FUBP3: variants seen among roughly 807,000 people sequenced by gnomAD.
FUBP3 encodes far upstream element binding protein 3.
In FUBP3, 28 loss-of-function variants were observed where a neutral mutation model predicts 85.6. The observed-to-expected ratio is 0.33, with a 90% CI of 0.24 to 0.45. The LOEUF is 0.45. Among genes scored for constraint, FUBP3 ranks in the 20% least tolerant of loss-of-function variants. The pLI, the probability that FUBP3 is intolerant of heterozygous loss-of-function variation, is 1.00. For synonymous variants in FUBP3, 271 were observed against 271.4 expected (o/e 1.00, Z 0.01); for missense variants, 583 against 755.1 (o/e 0.77, Z 2.67).
chr9:130,612,901 C>A lies in FUBP3; in HGVS notation c.275-55C>A. 4 of 1,138,644 alleles carry A rather than the reference C, an allele frequency of 3.5e-6. No individual in the cohort carries two copies. Among genetic ancestry groups the A allele is most frequent in the Non-Finnish European group, 5.3e-6 (4 of 750,016 alleles). 70.5% of individuals were successfully genotyped at this position (1,138,644 alleles called of 1,614,324 possible). A position where few individuals can be genotyped will look rare whatever the true frequency, so the allele number is the denominator to read the frequency against. On this transcript the variant is annotated intron_variant, in intron 4 of 18. Transcript: ENST00000319725. This position sits in a 1 kb window ranked among gnomAD's most constrained non-coding sequence, Gnocchi z 4.1. ...TGTGGAATTAATTCAGTCATTCCTG[C>A]GTGGTGAAATATGGAATAGGGGCGT...
chr9:130,636,412 AT>A (rs553479350), intron 18 of FUBP3, among the ~76,000 whole-genome samples: 61 of 152,370 alleles, frequency 4.0e-4, no homozygotes, highest in Admixed American at 3.3e-3. Flanking sequence ...CTCAGGGCTG[AT>A]TAGTAGTCTC....
At chr9:130,604,501 T>G (rs927383653) in intron 2 of FUBP3, among the ~76,000 whole-genome samples, 2 of 152,242 alleles carry the variant, frequency 1.3e-5, no homozygotes, top group Admixed American at 1.3e-4. Flanking sequence ...GGCAAGTTCC[T>G]TAACGTCTCT....
chr9:130,616,593 T>G lies in FUBP3; in HGVS notation c.567+76T>G. The G allele has an allele frequency of 1.4e-6, 2 of 1,395,438 alleles. No homozygotes were observed. Among genetic ancestry groups the G allele is most frequent in the Non-Finnish European group, 2.0e-6 (2 of 991,596 alleles). The allele number at this position is 1,395,438 out of a possible 1,614,324, so 86.4% of individuals were successfully genotyped here. On this transcript the variant is annotated intron_variant, in intron 7 of 18. Transcript: ENST00000319725. This position sits in a 1 kb window ranked among gnomAD's most constrained non-coding sequence, Gnocchi z 4.7. ...AGCTTCCTGGCCCAGGAGATCTGCT[T>G]ACGGCTGGCATTCCCTGGCTGGGCT...
intron 16 of FUBP3, 120 bp from the exon 17 acceptor site, chr9:130,634,547 G>A (rs965576912): frequency 5.6e-5 from 40 of 711,210 alleles, no homozygotes; most frequent in Admixed American, 1.5e-4. Context: ...GCAGGGCTGC[G>A]GAGCCGTGTG....
At position 130,616,596 on chromosome 9, in the gene FUBP3, G is replaced by C; in HGVS notation, c.567+79G>C. On this transcript the variant is annotated intron_variant, in intron 7 of 18. Coordinates refer to ENST00000319725, the MANE Select transcript of FUBP3 (RefSeq NM_003934.2). The surrounding 1 kb of genome is among the most constrained non-coding windows in gnomAD (Gnocchi z 4.7). ...TTCCTGGCCCAGGAGATCTGCTTAC[G>C]GCTGGCATTCCCTGGCTGGGCTGGC... 1 of 1,370,376 alleles carries C rather than the reference G, an allele frequency of 7.3e-7. No individual in the cohort carries two copies. Among genetic ancestry groups the C allele is most frequent in the Non-Finnish European group, 1.0e-6 (1 of 970,532 alleles). 84.9% of individuals were successfully genotyped at this position (1,370,376 alleles called of 1,614,324 possible). A position where few individuals can be genotyped will look rare whatever the true frequency, so the allele number is the denominator to read the frequency against.
intron 7 of FUBP3, among the ~76,000 whole-genome samples, chr9:130,617,147 T>C (rs1564211680): frequency 6.6e-6 from 1 of 152,198 alleles, no homozygotes; most frequent in Non-Finnish European, 1.5e-5. Flanking sequence ...CAAATGCATA[T>C]TTCTGTAGCA....
chr9:130,589,667 A>ATG lies in FUBP3; in HGVS notation c.85-5808_85-5807dup, dbSNP rs201160322. Among the ~76,000 whole-genome samples, 218 of 59,990 alleles carry ATG rather than the reference A, an allele frequency of 3.6e-3. 4 individuals are homozygous for ATG. Among genetic ancestry groups the ATG allele is most frequent in the Middle Eastern group, 0.016 (2 of 124 alleles). The allele number at this position is 59,990 out of a possible 152,430, so 39.4% of individuals were successfully genotyped here. On this transcript the variant is annotated intron_variant, in intron 1 of 18. Transcript: ENST00000319725. Reference sequence around the variant, plus strand: ...CCAGATTTATTTTAAATATGTATGTATGTGTGTGTATATATATATATATAT... The same window carrying ATG: ...CCAGATTTATTTTAAATATGTATGTATGTGTGTGTGTATATATATATATATAT...
In FUBP3 at chr9:130,614,533, G is replaced by A. The variant is rs141578338; in HGVS notation, c.404+188G>A. 7.9e-4 allele frequency among the ~76,000 whole-genome samples: 121 copies of A among 152,216 alleles called. 1 individual carries two copies. Among genetic ancestry groups the A allele is most frequent in the African/African-American group, 2.9e-3 (120 of 41,538 alleles). On this transcript the variant is annotated intron_variant, in intron 6 of 18. Coordinates refer to ENST00000319725, the MANE Select transcript of FUBP3 (RefSeq NM_003934.2). ...GGGGTTTTTGTTACCTTAAATACACGAGATATCACATTTGTTCTAAACCCC... is the reference window on the plus strand; with the variant it reads ...GGGGTTTTTGTTACCTTAAATACACAAGATATCACATTTGTTCTAAACCCC...
chr9:130,583,274 C>G (rs977218655), intron 1 of FUBP3, among the ~76,000 whole-genome samples: 32 of 152,166 alleles, frequency 2.1e-4, no homozygotes, highest in African/African-American at 7.5e-4. Context: ...CAGTTTAAGC[C>G]TGAGCAGTAG....
At chr9:130,611,459 G>A (rs1001148681) in intron 3 of FUBP3, among the ~76,000 whole-genome samples, 1 of 152,088 alleles carries the variant, frequency 6.6e-6, no homozygotes, top group African/African-American at 2.4e-5. Context: ...TAAGCTTGAG[G>A]GTGTAAACTC....
At chr9:130,622,527 A>AGGCTGAG (rs1829801185) in intron 9 of FUBP3, among the ~76,000 whole-genome samples, 181 bp from the exon 10 acceptor site, 1 of 151,012 alleles carries the variant, frequency 6.6e-6, no homozygotes, top group Non-Finnish European at 1.5e-5. Flanking sequence ...AGCTACTTAG[A>AGGCTGAG]GGCTGAGGTG....
At chr9:130,589,675 G>GTATA (rs1170568300) in intron 1 of FUBP3, among the ~76,000 whole-genome samples, 1,893 of 34,004 alleles carry the variant, frequency 0.056, 62 homozygotes, top group Non-Finnish European at 0.074. Context: ...GTATGTGTGT[G>GTATA]TATATATATA....
chr9:130,621,069 T>G (rs1018465520), intron 9 of FUBP3, among the ~76,000 whole-genome samples: 3 of 152,196 alleles, frequency 2.0e-5, no homozygotes, highest in African/African-American at 7.2e-5. Flanking sequence ...TGGTGATGGT[T>G]ACACAACATT....
In FUBP3 at chr9:130,635,821, G is replaced by A. The variant is rs1830394327; in HGVS notation, c.1583-178G>A. On this transcript the variant is annotated intron_variant, in intron 17 of 18. Coordinates refer to ENST00000319725, the MANE Select transcript of FUBP3 (RefSeq NM_003934.2). This position sits in a 1 kb window ranked among gnomAD's most constrained non-coding sequence, Gnocchi z 4.3. ...GCATAGCAGGGGCCGGGCAACAAGA[G>A]GCTAACAGCACCTTTTGTAGCAAGC... 1.6e-6 allele frequency: 1 copy of A among 626,606 alleles called. No individual in the cohort carries two copies. The allele number at this position is 626,606 out of a possible 1,614,324, so 38.8% of individuals were successfully genotyped here.
chr9:130,588,264 T>A (rs973830997), intron 1 of FUBP3, among the ~76,000 whole-genome samples: 1 of 152,208 alleles, frequency 6.6e-6, no homozygotes, highest in Non-Finnish European at 1.5e-5. Context: ...GTTATTTAAC[T>A]TCTTTCAGTC....
intron 1 of FUBP3, among the ~76,000 whole-genome samples, chr9:130,592,132 T>C (rs1002164004): frequency 6.6e-6 from 1 of 152,184 alleles, no homozygotes; most frequent in Non-Finnish European, 1.5e-5. Flanking sequence ...CTCAAGAGGC[T>C]GAGGCAGGAG....
At chr9:130,609,869 C>T in intron 2 of FUBP3, 85 bp from the exon 3 acceptor site, 1 of 1,059,394 alleles carries the variant, frequency 9.4e-7, no homozygotes, top group Non-Finnish European at 1.4e-6. Context: ...TTCCACCCCA[C>T]CCGAAATGGT....
At position 130,612,182 on chromosome 9, in the gene FUBP3, C is replaced by T. The variant is rs1304777679; in HGVS notation, c.225-274C>T. Reference sequence around the variant, plus strand: ...TGAGAGGTGCTGTATGAAGAAAAGGCAGCTGTTAGAGGAGGTGATGGTTTC... The same window carrying T: ...TGAGAGGTGCTGTATGAAGAAAAGGTAGCTGTTAGAGGAGGTGATGGTTTC... On this transcript the variant is annotated intron_variant, in intron 3 of 18. Coordinates refer to ENST00000319725, the MANE Select transcript of FUBP3 (RefSeq NM_003934.2). The surrounding 1 kb of genome is among the most constrained non-coding windows in gnomAD (Gnocchi z 4.1). 1.3e-5 allele frequency among the ~76,000 whole-genome samples: 2 copies of T among 152,146 alleles called. No homozygotes were observed. The highest frequency in any genetic ancestry group is 4.8e-5 in the African/African-American group (2 of 41,416).
chr9:130,621,845 C>T (rs1829761204), intron 9 of FUBP3, among the ~76,000 whole-genome samples: 3 of 151,234 alleles, frequency 2.0e-5, no homozygotes, highest in Admixed American at 1.3e-4. Context: ...GCGGTGCTTG[C>T]AGTGAGCGTA....
Sources: gnomAD v4.1 joint callset for allele counts (sites outside exome capture counted in the v4.1 genomes callset) on GRCh38, gnomAD v4.1.1 for gene constraint, Gnocchi (gnomAD v3.1) non-coding constraint, MANE v1.5 for transcripts, NCBI Gene and HGNC (gene_info 2026-07-23, HGNC 2026-07-21) for gene names.